CACNA1E: variants seen among roughly 807,000 people sequenced by gnomAD.
CACNA1E encodes voltage-dependent R-type calcium channel subunit alpha-1E.
A neutral mutation model predicts 259.2 loss-of-function variants in CACNA1E; 40 were observed. The observed-to-expected ratio is 0.15, with a 90% CI of 0.12 to 0.20. The LOEUF (loss-of-function observed/expected upper bound fraction) is 0.20. Among genes scored for constraint, CACNA1E ranks in the 10% least tolerant of loss-of-function variants. The pLI, the probability that CACNA1E is intolerant of heterozygous loss-of-function variation, is 1.00. For synonymous variants in CACNA1E, 1,104 were observed against 1,138.5 expected, an observed-to-expected ratio of 0.97 and a Z score of 0.61; for missense variants, 1,874 against 3,040.1, an observed-to-expected ratio of 0.62 and a Z score of 9.02.
intron 6 of CACNA1E, among the ~76,000 whole-genome samples, chr1:181,618,680 GA>G (rs1294196923): frequency 6.6e-6 from 1 of 152,178 alleles, no homozygotes; most frequent in Non-Finnish European, 1.5e-5. Context: ...TTCATTATTT[GA>G]AGAAGAAGTT....
chr1:181,472,735 G>A (rs374131554), intron 2 of CACNA1E, among the ~76,000 whole-genome samples: 20 of 152,170 alleles, frequency 1.3e-4, no homozygotes, highest in African/African-American at 4.6e-4. Flanking sequence ...GTGTGTGCGC[G>A]CGCACTTGAG....
At chr1:181,728,020 A>C (rs1655076303) in intron 18 of CACNA1E, among the ~76,000 whole-genome samples, 1 of 152,240 alleles carries the variant, frequency 6.6e-6, no homozygotes, top group Middle Eastern at 3.4e-3. Context: ...AAAGAGAAAA[A>C]TTCCCTTCCA....
At chr1:181,359,718 G>C (rs1288270258) in intron 1 of CACNA1E, among the ~76,000 whole-genome samples, 3 of 152,198 alleles carry the variant, frequency 2.0e-5, no homozygotes, top group Admixed American at 2.0e-4. Context: ...ACGTTTCTAA[G>C]ATTAAACTGT....
chr1:181,470,921 T>C (rs776033988), intron 2 of CACNA1E, among the ~76,000 whole-genome samples: 4 of 152,164 alleles, frequency 2.6e-5, no homozygotes, highest in Non-Finnish European at 5.9e-5. Context: ...CTGTTTTTGC[T>C]CCTATAACAA....
At chr1:181,729,497 G>C (rs1265275621) in intron 18 of CACNA1E, among the ~76,000 whole-genome samples, 3 of 152,240 alleles carry the variant, frequency 2.0e-5, no homozygotes, top group Non-Finnish European at 4.4e-5. Context: ...CAAAGTGCCT[G>C]AGTGCTAGTT....
intron 7 of CACNA1E, among the ~76,000 whole-genome samples, chr1:181,654,088 A>T (rs1658988680): frequency 6.6e-6 from 1 of 152,158 alleles, no homozygotes; most frequent in South Asian, 2.1e-4. Context: ...GACAAATTTA[A>T]AAGCTGTATC....
chr1:181,658,712 C>A (rs1359875198), intron 7 of CACNA1E, among the ~76,000 whole-genome samples: 9 of 152,168 alleles, frequency 5.9e-5, no homozygotes, highest in Non-Finnish European at 1.2e-4. Context: ...GCCTTCTTAG[C>A]ACTTCTGGAG....
At chr1:181,595,969 C>T (rs959162476) in intron 6 of CACNA1E, among the ~76,000 whole-genome samples, 3 of 152,112 alleles carry the variant, frequency 2.0e-5, no homozygotes, top group Admixed American at 1.3e-4. Flanking sequence ...TCTTTTATAT[C>T]CAGGTTATTT....
intron 1 of CACNA1E, among the ~76,000 whole-genome samples, chr1:181,489,244 G>C (rs1664108410): frequency 6.6e-6 from 1 of 152,214 alleles, no homozygotes; most frequent in East Asian, 1.9e-4. Context: ...TTCAGAGAGA[G>C]AGAGAGACCA....
chr1:181,427,557 C>T (rs1229168592), intron 2 of CACNA1E, among the ~76,000 whole-genome samples: 1 of 136,420 alleles, frequency 7.3e-6, no homozygotes, highest in African/African-American at 2.8e-5. Context: ...CCAACTTCAA[C>T]CCCTCCCCCA....
intron 35 of CACNA1E, among the ~76,000 whole-genome samples, chr1:181,769,962 C>CTCTT (rs1659360726): frequency 6.6e-6 from 1 of 152,150 alleles, no homozygotes; most frequent in Admixed American, 6.5e-5. Context: ...GCTGCTTCTT[C>CTCTT]TCTTTCCATT....
At chr1:181,440,846 G>A (rs547513468) in intron 2 of CACNA1E, among the ~76,000 whole-genome samples, 1 of 152,038 alleles carries the variant, frequency 6.6e-6, no homozygotes, top group East Asian at 1.9e-4. Context: ...TTAGCTGGGT[G>A]TGGTGGCTCA....
intron 1 of CACNA1E, among the ~76,000 whole-genome samples, chr1:181,493,506 A>G (rs575602635): frequency 6.6e-6 from 1 of 152,170 alleles, no homozygotes; most frequent in African/African-American, 2.4e-5. Flanking sequence ...GGAAGTGGAA[A>G]TATTCCTCCT....
rs1347482481 is a variant in CACNA1E at position 181,732,455 on chromosome 1, A to C, written c.2369A>C (p.Gln790Pro). 3 of 1,550,846 alleles carry C rather than the reference A, an allele frequency of 1.9e-6. No homozygotes were observed. In the Admixed American group the frequency reaches 5.9e-5, roughly 31 times the overall value. Residue 790 changes from glutamine (Q) to proline (P), a missense_variant, in exon 20 of 48, where the codon CAG becomes CCG. Gln to Pro is a moderately conservative substitution (Grantham distance 76). Coordinates refer to ENST00000367573, the MANE Select transcript of CACNA1E (RefSeq NM_001205293.3). This position sits in a 1 kb window ranked among gnomAD's most constrained non-coding sequence, Gnocchi z 5.5. ...QRTSQLRKHM[Q>P]MSSQEALNRE... ...ACCAGCCAGCTGAGGAAGCACATGCAGATGTCCAGCCAGGAGGCCCTCAAC... is the reference window on the plus strand; with the variant it reads ...ACCAGCCAGCTGAGGAAGCACATGCCGATGTCCAGCCAGGAGGCCCTCAAC...
intron 7 of CACNA1E, among the ~76,000 whole-genome samples, chr1:181,702,348 C>T (rs1037385466): frequency 6.6e-6 from 1 of 152,112 alleles, no homozygotes; most frequent in Non-Finnish European, 1.5e-5. Flanking sequence ...CTATACTTTA[C>T]CACTCTCGCC....
At chr1:181,507,518 A>G (rs1387840949) in intron 1 of CACNA1E, among the ~76,000 whole-genome samples, 3 of 152,208 alleles carry the variant, frequency 2.0e-5, no homozygotes, top group Non-Finnish European at 4.4e-5. Flanking sequence ...AGGAACTGCC[A>G]TGGTCCAAGG....
chr1:181,788,808 G>T (rs1294441899), intron 43 of CACNA1E, among the ~76,000 whole-genome samples: 3 of 152,200 alleles, frequency 2.0e-5, no homozygotes, highest in Admixed American at 2.0e-4. Context: ...GTGATTCCAA[G>T]GGTCCTCTCC....
chr1:181,524,113 G>A (rs926786603), intron 3 of CACNA1E, among the ~76,000 whole-genome samples: 7 of 152,232 alleles, frequency 4.6e-5, no homozygotes, highest in Admixed American at 2.0e-4. Flanking sequence ...TGCTCATGCA[G>A]AGCCATTTCT....
At chr1:181,527,922 T>C (rs566749322) in intron 3 of CACNA1E, among the ~76,000 whole-genome samples, 5 of 147,268 alleles carry the variant, frequency 3.4e-5, no homozygotes, top group African/African-American at 7.7e-5. Flanking sequence ...TATTACTGTT[T>C]CTTCATTTTT....
Sources: gnomAD v4.1 joint callset for allele counts (sites outside exome capture counted in the v4.1 genomes callset) on GRCh38, gnomAD v4.1.1 for gene constraint, Gnocchi (gnomAD v3.1) non-coding constraint, MANE v1.5 for transcripts, NCBI Gene and HGNC (gene_info 2026-07-23, HGNC 2026-07-21) for gene names.